WWOX: variants seen among roughly 807,000 people sequenced by gnomAD.
WWOX encodes the protein WW domain containing oxidoreductase, also known as WW domain-containing oxidoreductase.
Under a neutral mutation model 46.2 loss-of-function variants are expected in WWOX, and 69 were observed. That is an observed-to-expected ratio of 1.49 (90% CI 1.23 to 1.82). The LOEUF is 1.82. WWOX is among the 40% of genes most tolerant of loss of function. The pLI is 0.00. For missense variants in WWOX, 919 were observed against 542.6 expected (o/e 1.69, Z -6.89); for synonymous variants, 359 against 202.6 (o/e 1.77, Z -6.56).
chr16:78,790,382 G>T (rs546664508), intron 8 of WWOX, among the ~76,000 whole-genome samples: 1 of 152,072 alleles, frequency 6.6e-6, no homozygotes, highest in African/African-American at 2.4e-5. Flanking sequence ...TGATTTGCCC[G>T]CCCCAGCCTC....
intron 8 of WWOX, among the ~76,000 whole-genome samples, chr16:78,436,638 C>A (rs1314400530): frequency 6.6e-6 from 1 of 152,124 alleles, no homozygotes; most frequent in African/African-American, 2.4e-5. Flanking sequence ...TCACTTCATG[C>A]AGAGGTGGAA....
intron 8 of WWOX, among the ~76,000 whole-genome samples, chr16:79,122,529 C>G (rs570526438): frequency 6.6e-6 from 1 of 151,372 alleles, no homozygotes; most frequent in Non-Finnish European, 1.5e-5. Flanking sequence ...CCTTCCTTCT[C>G]TCTATCCTTC....
chr16:79,040,451 T>A, intron 8 of WWOX, among the ~76,000 whole-genome samples: 1 of 151,960 alleles, frequency 6.6e-6, no homozygotes, highest in Non-Finnish European at 1.5e-5. Context: ...TTGTTTTGCA[T>A]CTTTGGTAGA....
At chr16:79,055,816 A>C (rs1430675579) in intron 8 of WWOX, among the ~76,000 whole-genome samples, 2 of 152,166 alleles carry the variant, frequency 1.3e-5, no homozygotes, top group African/African-American at 2.4e-5. Flanking sequence ...CTAAAACTCA[A>C]AGTGAGTCAG....
chr16:78,561,649 A>G (rs1476566371), intron 8 of WWOX, among the ~76,000 whole-genome samples: 1 of 152,186 alleles, frequency 6.6e-6, no homozygotes, highest in African/African-American at 2.4e-5. Flanking sequence ...AAAAGCAGAA[A>G]GTTTAATATA....
At chr16:78,352,440 C>T (rs928377318) in intron 5 of WWOX, among the ~76,000 whole-genome samples, 3 of 152,190 alleles carry the variant, frequency 2.0e-5, no homozygotes, top group Admixed American at 6.5e-5. Context: ...CTTGCTGTTT[C>T]CAGCTTCCAG....
intron 8 of WWOX, among the ~76,000 whole-genome samples, chr16:78,630,973 C>T (rs1190556698): frequency 6.6e-6 from 1 of 152,078 alleles, no homozygotes; most frequent in Admixed American, 6.5e-5. Context: ...GAAAATGTAC[C>T]AACTGCTTTT....
At position 79,207,490 on chromosome 16, in the gene WWOX, T is replaced by A. The variant is rs115577721; in HGVS notation, c.1057-4118T>A. Among the ~76,000 whole-genome samples the A allele has an allele frequency of 4.8e-3, 730 of 152,348 alleles. 6 individuals carry two copies. The highest frequency in any genetic ancestry group is 0.017 in the African/African-American group (690 of 41,584). On this transcript the variant is annotated intron_variant, in intron 8 of 8. Transcript: ENST00000566780. ...CCAGGGTTCATTCCTTTCATAACTC[T>A]ACTTTTTGCATAAGTGGATTAATTC...
At chr16:78,738,404 A>T (rs1159421503) in intron 8 of WWOX, among the ~76,000 whole-genome samples, 1 of 152,200 alleles carries the variant, frequency 6.6e-6, no homozygotes, top group Non-Finnish European at 1.5e-5. Context: ...CCTGTGTATG[A>T]TGCTGGGTTT....
intron 5 of WWOX, among the ~76,000 whole-genome samples, chr16:78,380,211 T>A (rs2081924510): frequency 6.6e-6 from 1 of 152,134 alleles, no homozygotes; most frequent in Non-Finnish European, 1.5e-5. Flanking sequence ...CCATGAGGGC[T>A]TCTAAGGGGC....
At chr16:78,970,636 G>C (rs1416950111) in intron 8 of WWOX, among the ~76,000 whole-genome samples, 4 of 152,218 alleles carry the variant, frequency 2.6e-5, no homozygotes, top group Non-Finnish European at 5.9e-5. Flanking sequence ...AAAGATTATA[G>C]TGTAATGCCA....
chr16:78,751,136 C>G (rs553910494), intron 8 of WWOX, among the ~76,000 whole-genome samples: 2 of 152,076 alleles, frequency 1.3e-5, no homozygotes, highest in East Asian at 3.9e-4. Flanking sequence ...TGAAACCATT[C>G]CTACTTCCAA....
At chr16:78,176,752 G>A (rs942781525) in intron 5 of WWOX, among the ~76,000 whole-genome samples, 3 of 152,182 alleles carry the variant, frequency 2.0e-5, no homozygotes, top group Non-Finnish European at 4.4e-5. Context: ...GAGAGAATTA[G>A]TTGATGAATT....
chr16:78,252,150 T>G (rs918276864), intron 5 of WWOX, among the ~76,000 whole-genome samples: 5 of 152,180 alleles, frequency 3.3e-5, no homozygotes, highest in African/African-American at 1.2e-4. Flanking sequence ...AGGGGCATCT[T>G]GCACTTGTCT....
intron 6 of WWOX, among the ~76,000 whole-genome samples, chr16:78,398,508 T>C (rs1343323775): frequency 6.6e-6 from 1 of 152,202 alleles, no homozygotes; most frequent in African/African-American, 2.4e-5. Flanking sequence ...GAGCCTCCCT[T>C]CTACCTGCTC....
chr16:78,826,085 A>C, intron 8 of WWOX: 2 of 351,786 alleles, frequency 5.7e-6, no homozygotes, highest in East Asian at 1.0e-4. Flanking sequence ...TACAAAGACA[A>C]CCGGGAATGC....
Position 78,950,009 on chromosome 16 carries a change from G to A in WWOX, c.1057-261599G>A, listed in dbSNP as rs372861325. ...CCCATTTGACAGATGAGAGGACTGAGGCTTGTAGACTTTCCAAGGCTGTGC... is the reference window on the plus strand; with the variant it reads ...CCCATTTGACAGATGAGAGGACTGAAGCTTGTAGACTTTCCAAGGCTGTGC... On this transcript the variant is annotated intron_variant, in intron 8 of 8. Coordinates refer to ENST00000566780, the MANE Select transcript of WWOX (RefSeq NM_016373.4). Among the ~76,000 whole-genome samples, 50 of 152,336 alleles carry A rather than the reference G, an allele frequency of 3.3e-4. 1 individual carries two copies. Among genetic ancestry groups the A allele is most frequent in the African/African-American group, 1.1e-3 (46 of 41,586 alleles).
intron 8 of WWOX, among the ~76,000 whole-genome samples, chr16:79,105,142 G>C (rs1223192184): frequency 6.6e-6 from 1 of 152,182 alleles, no homozygotes; most frequent in Non-Finnish European, 1.5e-5. Flanking sequence ...TGTAGCCCCA[G>C]AGCCTCTCGA....
rs558684939 is a variant in WWOX, at chr16:78,601,512, C to A, written c.1056+168760C>A. ...TATTATCTCCAAGCCATTATTCACA[C>A]ACACATACCCCACCGCCATTTTCCA... On this transcript the variant is annotated intron_variant, in intron 8 of 8. Transcript: ENST00000566780. Among the ~76,000 whole-genome samples, 6 of 152,002 alleles carry A rather than the reference C, an allele frequency of 3.9e-5. No homozygotes were observed. In the East Asian group the frequency reaches 1.2e-3, roughly 29 times the overall value.
Sources: allele counts gnomAD v4.1 joint callset (sites outside exome capture counted in the v4.1 genomes callset), GRCh38; gene constraint gnomAD v4.1.1; transcripts MANE v1.5; gene names NCBI Gene and HGNC (gene_info 2026-07-23, HGNC 2026-07-21).